BICC1: variants seen among roughly 807,000 people sequenced by gnomAD.
BICC1 encodes BicC family RNA binding protein 1.
Under a neutral mutation model 111.0 loss-of-function variants are expected in BICC1, and 43 were observed. That is an observed-to-expected ratio of 0.39 (90% CI 0.30 to 0.50). The LOEUF is 0.50. Among genes scored for constraint, BICC1 ranks in the 20% least tolerant of loss-of-function variants. The pLI is 0.88. For missense variants in BICC1, 1,091 were observed against 1,203.2 expected (o/e 0.91, Z 1.38); for synonymous variants, 467 against 434.4 (o/e 1.07, Z -0.93).
intron 2 of BICC1, among the ~76,000 whole-genome samples, chr10:58,682,985 A>G (rs529905585): frequency 1.3e-5 from 2 of 152,278 alleles, no homozygotes; most frequent in African/African-American, 4.8e-5. Flanking sequence ...GGTATTGCCT[A>G]GGTTTTCTTC....
chr10:58,820,696 G>C (rs140549541), intron 20 of BICC1, among the ~76,000 whole-genome samples: 5 of 152,196 alleles, frequency 3.3e-5, no homozygotes, highest in Admixed American at 1.3e-4. Context: ...TATGAAAATA[G>C]ATCTCTTCAG....
intron 1 of BICC1, among the ~76,000 whole-genome samples, chr10:58,585,336 G>A (rs1844400182): frequency 6.6e-6 from 1 of 152,040 alleles, no homozygotes; most frequent in Non-Finnish European, 1.5e-5. Flanking sequence ...GGTTGGTGCT[G>A]GTCACTTTTG....
chr10:58,828,359 A>G (rs1589181993), intron 20 of BICC1, among the ~76,000 whole-genome samples: 1 of 152,212 alleles, frequency 6.6e-6, no homozygotes, highest in East Asian at 1.9e-4. Flanking sequence ...GCCATCAGTC[A>G]TACGTCCTTT....
chr10:58,679,447 A>G (rs1455968492), intron 2 of BICC1, among the ~76,000 whole-genome samples: 1 of 152,212 alleles, frequency 6.6e-6, no homozygotes, highest in Non-Finnish European at 1.5e-5. Flanking sequence ...AGAAATGGAT[A>G]AATTCCTGGA....
At chr10:58,790,047 CAAAT>C in intron 8 of BICC1, 114 bp downstream of exon 8, 1 of 1,197,616 alleles carries the variant, frequency 8.3e-7, no homozygotes, top group Non-Finnish European at 1.2e-6. Flanking sequence ...GAAGCCTCGT[CAAAT>C]AAGGAAGTTT....
At chr10:58,715,613 G>A in intron 3 of BICC1, 5 of 1,605,510 alleles carry the variant, frequency 3.1e-6, no homozygotes, top group Non-Finnish European at 4.3e-6. Flanking sequence ...CGAGATCAAG[G>A]GGTCCAATCC....
intron 3 of BICC1, among the ~76,000 whole-genome samples, chr10:58,726,886 C>A (rs1163080950): frequency 1.3e-5 from 2 of 152,156 alleles, no homozygotes; most frequent in Non-Finnish European, 2.9e-5. Context: ...CAGTGAAATT[C>A]AGACGTATAG....
rs550884233 is a variant in BICC1 at position 58,731,742 on chromosome 10, G to A, written c.307+29599G>A. Among the ~76,000 whole-genome samples the A allele has an allele frequency of 4.0e-5, 6 of 151,648 alleles. No homozygotes were observed. In the East Asian group the frequency reaches 1.2e-3, roughly 30 times the overall value. ...AGAGAGAGAGAGAGAGGGAGGGAGT[G>A]GGGGAGAGATGCTACACACTTTTAA... On this transcript the variant is annotated intron_variant, in intron 3 of 20. Transcript: ENST00000373886.
At chr10:58,664,774 G>A (rs933445188) in intron 2 of BICC1, among the ~76,000 whole-genome samples, 12 of 151,844 alleles carry the variant, frequency 7.9e-5, no homozygotes, top group Admixed American at 7.2e-4. Flanking sequence ...ATAGTCTGTG[G>A]TAAATAAAAT....
At chr10:58,624,253 G>C (rs1458017762) in intron 2 of BICC1, among the ~76,000 whole-genome samples, 2 of 152,168 alleles carry the variant, frequency 1.3e-5, no homozygotes, top group East Asian at 3.9e-4. Flanking sequence ...ACCCTACTCT[G>C]GTGTGTGTTC....
At chr10:58,637,256 A>G (rs867006237) in intron 2 of BICC1, among the ~76,000 whole-genome samples, 2 of 151,792 alleles carry the variant, frequency 1.3e-5, no homozygotes, top group African/African-American at 2.4e-5. Flanking sequence ...ATGTAATAGG[A>G]TAGTTGGTTG....
intron 1 of BICC1, among the ~76,000 whole-genome samples, chr10:58,595,321 A>G (rs1478294488): frequency 6.6e-6 from 1 of 152,206 alleles, no homozygotes; most frequent in Non-Finnish European, 1.5e-5. Flanking sequence ...CAGAAAATTA[A>G]CAAGGATATT....
At chr10:58,763,118 G>A (rs1161273393) in intron 3 of BICC1, among the ~76,000 whole-genome samples, 1 of 152,280 alleles carries the variant, frequency 6.6e-6, no homozygotes, top group South Asian at 2.1e-4. Flanking sequence ...ATTCTCAGAT[G>A]TAGTTCTGTC....
chr10:58,755,263 G>A (rs1354143775), intron 3 of BICC1, among the ~76,000 whole-genome samples: 2 of 152,104 alleles, frequency 1.3e-5, no homozygotes, highest in African/African-American at 2.4e-5. Flanking sequence ...AGGGCCCACT[G>A]TTTAGTGTCT....
At chr10:58,821,685 C>G (rs183109406) in intron 20 of BICC1, among the ~76,000 whole-genome samples, 2 of 152,030 alleles carry the variant, frequency 1.3e-5, no homozygotes, top group African/African-American at 4.8e-5. Flanking sequence ...CTGTGTGTAC[C>G]CAAGAGGCTC....
chr10:58,555,056 A>G (rs1359114593), intron 1 of BICC1, among the ~76,000 whole-genome samples: 2 of 151,980 alleles, frequency 1.3e-5, no homozygotes, highest in Admixed American at 1.3e-4. Flanking sequence ...TTTAAAAAGA[A>G]AAAGAACAAG....
At chr10:58,822,708 C>T (rs1422611035) in intron 20 of BICC1, among the ~76,000 whole-genome samples, 1 of 152,102 alleles carries the variant, frequency 6.6e-6, no homozygotes, top group Non-Finnish European at 1.5e-5. Context: ...GAAAGCAATA[C>T]ATTTTTATTG....
intron 1 of BICC1, among the ~76,000 whole-genome samples, chr10:58,524,395 G>A (rs1215000001): frequency 6.6e-5 from 10 of 151,698 alleles, no homozygotes; most frequent in Non-Finnish European, 1.0e-4. Context: ...AAATAATGCC[G>A]CATATCTACA....
intron 1 of BICC1, among the ~76,000 whole-genome samples, chr10:58,578,058 T>A (rs959008659): frequency 6.6e-6 from 1 of 152,198 alleles, no homozygotes; most frequent in Non-Finnish European, 1.5e-5. Context: ...TGACAAAAGC[T>A]TTTAAATTTA....
Sources: gnomAD v4.1 joint callset for allele counts (sites outside exome capture counted in the v4.1 genomes callset) on GRCh38, gnomAD v4.1.1 for gene constraint, MANE v1.5 for transcripts, NCBI Gene and HGNC (gene_info 2026-07-23, HGNC 2026-07-21) for gene names.